The following GRM8 variants were observed in gnomAD, a reference collection of about 807,000 sequenced individuals.
GRM8 encodes the protein glutamate metabotropic receptor 8.
A neutral mutation model predicts 87.2 loss-of-function variants in GRM8; 47 were observed. The observed-to-expected ratio is 0.54, with a 90% CI of 0.43 to 0.69. GRM8 has a LOEUF of 0.69. GRM8 is among the 30% of genes least tolerant of loss of function. The pLI, the probability that GRM8 is intolerant of heterozygous loss-of-function variation, is 0.00. For missense variants in GRM8, 1,019 were observed against 1,139.2 expected (o/e 0.89, Z 1.52); for synonymous variants, 396 against 404.5 (o/e 0.98, Z 0.25).
chr7:126,623,049 C>A (rs918980170), intron 7 of GRM8, among the ~76,000 whole-genome samples: 1 of 152,216 alleles, frequency 6.6e-6, no homozygotes, highest in Non-Finnish European at 1.5e-5. Context: ...AAGCAGCTTA[C>A]TGTCCAACCA....
At chr7:127,059,313 A>G (rs987097045) in intron 3 of GRM8, among the ~76,000 whole-genome samples, 20 of 149,598 alleles carry the variant, frequency 1.3e-4, no homozygotes, top group Admixed American at 1.1e-3. Flanking sequence ...ATTGGTTCAT[A>G]TAAATTTTTT....
chr7:126,724,452 T>G (rs1812746120), intron 7 of GRM8, among the ~76,000 whole-genome samples: 1 of 152,086 alleles, frequency 6.6e-6, no homozygotes, highest in Admixed American at 6.6e-5. Flanking sequence ...GGAACCTTAG[T>G]TCCCTGAATG....
At chr7:126,469,050 T>C (rs925992189) in intron 9 of GRM8, among the ~76,000 whole-genome samples, 30 of 152,160 alleles carry the variant, frequency 2.0e-4, no homozygotes, top group Admixed American at 1.3e-4. Context: ...TCAGCATTTA[T>C]TGTTGTTAGT....
At chr7:127,213,044 T>C (rs892493303) in intron 2 of GRM8, among the ~76,000 whole-genome samples, 4 of 152,234 alleles carry the variant, frequency 2.6e-5, no homozygotes, top group Admixed American at 1.3e-4. Flanking sequence ...CACTGGATGT[T>C]GAAGGGTATA....
At chr7:126,793,570 G>A (rs898541514) in intron 6 of GRM8, among the ~76,000 whole-genome samples, 4 of 152,150 alleles carry the variant, frequency 2.6e-5, no homozygotes, top group African/African-American at 4.8e-5. Flanking sequence ...GTTTCTCTGC[G>A]AGGATTTACT....
intron 8 of GRM8, among the ~76,000 whole-genome samples, chr7:126,567,949 T>C (rs28612482): frequency 0.053 from 8,086 of 152,150 alleles, 613 homozygotes; most frequent in African/African-American, 0.17. Context: ...TAAATGATGG[T>C]GAATTAATTT....
chr7:127,011,908 C>G (rs192725720), intron 3 of GRM8, among the ~76,000 whole-genome samples: 2 of 152,078 alleles, frequency 1.3e-5, no homozygotes, highest in African/African-American at 4.8e-5. Context: ...TACTTTGTAC[C>G]TTCCACACCA....
At chr7:126,538,935 A>C (rs2098033) in intron 8 of GRM8, among the ~76,000 whole-genome samples, 22,497 of 151,820 alleles carry the variant, frequency 0.15, 1,815 homozygotes, top group Middle Eastern at 0.2. Context: ...GTGTCTCTCT[A>C]TATATATATT....
intron 3 of GRM8, among the ~76,000 whole-genome samples, chr7:126,999,039 G>A (rs1473046372): frequency 3.3e-5 from 5 of 151,914 alleles, no homozygotes; most frequent in Non-Finnish European, 7.4e-5. Context: ...AAAACAGCAG[G>A]GTGCTGGCAT....
intron 3 of GRM8, among the ~76,000 whole-genome samples, chr7:127,090,431 A>C (rs891234142): frequency 2.0e-5 from 3 of 152,224 alleles, no homozygotes; most frequent in African/African-American, 7.2e-5. Flanking sequence ...CTCATGTTAC[A>C]TACCTGGAAC....
At chr7:126,446,645 A>T (rs1205674000) in intron 9 of GRM8, among the ~76,000 whole-genome samples, 6 of 152,028 alleles carry the variant, frequency 3.9e-5, no homozygotes, top group Non-Finnish European at 8.8e-5. Context: ...TTAGATTATA[A>T]ATAAACATAC....
chr7:127,066,254 T>C (rs1457428093), intron 3 of GRM8, among the ~76,000 whole-genome samples: 5 of 152,204 alleles, frequency 3.3e-5, no homozygotes, highest in African/African-American at 1.2e-4. Context: ...AATAGATCCA[T>C]TACTTAATAT....
Position 127,029,777 on chromosome 7 carries a change from A to AC in GRM8, c.727+76718dup, listed in dbSNP as rs533169545. ...GAATACAGCACACCAGTGGGTCTTG[A>AC]CTCTTTACCCAATTTGCCAGGCTGA... On this transcript the variant is annotated intron_variant, in intron 3 of 10. Transcript: ENST00000339582. Among the ~76,000 whole-genome samples the AC allele has an allele frequency of 3.8e-4, 58 of 151,172 alleles. 1 individual carries two copies. In the East Asian group the frequency reaches 0.011, roughly 29 times the overall value.
intron 7 of GRM8, among the ~76,000 whole-genome samples, chr7:126,625,687 T>C (rs1800604111): frequency 6.6e-6 from 1 of 152,106 alleles, no homozygotes; most frequent in South Asian, 2.1e-4. Flanking sequence ...ACTTTTAAAA[T>C]AGGAAAAGAC....
intron 3 of GRM8, among the ~76,000 whole-genome samples, chr7:127,030,688 C>T (rs1239396789): frequency 1.3e-5 from 2 of 152,046 alleles, no homozygotes; most frequent in South Asian, 2.1e-4. Flanking sequence ...CTAATGAAAC[C>T]CATAACATGC....
chr7:126,884,455 TTTTA>T (rs201674785), intron 6 of GRM8, among the ~76,000 whole-genome samples: 2,050 of 152,286 alleles, frequency 0.013, 40 homozygotes, highest in African/African-American at 0.046. Flanking sequence ...TCTTTCATCT[TTTTA>T]TTTTTTTCAT....
intron 6 of GRM8, among the ~76,000 whole-genome samples, chr7:126,854,198 C>T (rs1321354304): frequency 1.3e-5 from 2 of 152,212 alleles, no homozygotes; most frequent in African/African-American, 4.8e-5. Context: ...CCTAAACAGC[C>T]TTTTCCATGG....
At chr7:126,511,838 T>C (rs1811420730) in intron 9 of GRM8, 1 of 151,972 alleles carries the variant, frequency 6.6e-6, no homozygotes, top group Admixed American at 6.6e-5. Flanking sequence ...ATAAAGTTCA[T>C]AAGAATGCCA....
chr7:127,169,511 T>C (rs1379009728), intron 2 of GRM8, among the ~76,000 whole-genome samples: 2 of 152,180 alleles, frequency 1.3e-5, no homozygotes, highest in Non-Finnish European at 2.9e-5. Context: ...CTGCAGCAAG[T>C]TATCCAGAAG....
Sources: gnomAD v4.1 joint callset for allele counts (sites outside exome capture counted in the v4.1 genomes callset) on GRCh38, gnomAD v4.1.1 for gene constraint, MANE v1.5 for transcripts, NCBI Gene and HGNC (gene_info 2026-07-23, HGNC 2026-07-21) for gene names.